DOK5: variants seen among roughly 807,000 people sequenced by gnomAD.
The protein encoded by DOK5 is docking protein 5.
Under a neutral mutation model 43.3 loss-of-function variants are expected in DOK5, and 27 were observed. The observed-to-expected ratio is 0.62, with a 90% confidence interval of 0.46 to 0.86. The LOEUF is 0.86. Ranked by LOEUF, DOK5 falls within the 40% of genes least tolerant of loss-of-function variation. DOK5 has a pLI of 0.00. For synonymous variants in DOK5, 146 were observed against 140.1 expected (o/e 1.04, Z -0.30); for missense variants, 373 against 392.9 (o/e 0.95, Z 0.43).
At chr20:54,595,420 T>C (rs1056371076) in intron 5 of DOK5, among the ~76,000 whole-genome samples, 1 of 152,198 alleles carries the variant, frequency 6.6e-6, no homozygotes, top group East Asian at 1.9e-4. Flanking sequence ...GTGGGAGATA[T>C]TGAACCAGTT....
intron 5 of DOK5, among the ~76,000 whole-genome samples, chr20:54,608,246 T>A (rs890384017): frequency 1.3e-5 from 2 of 152,104 alleles, no homozygotes; most frequent in East Asian, 3.9e-4. Context: ...GGAACCAAGG[T>A]TGGCATTTAA....
intron 6 of DOK5, among the ~76,000 whole-genome samples, chr20:54,624,694 C>T (rs543602352): frequency 3.9e-5 from 6 of 152,224 alleles, no homozygotes; most frequent in Admixed American, 1.3e-4. Flanking sequence ...AAAAAGTTAC[C>T]GGAGGCAAAG....
At chr20:54,626,121 A>C (rs73913638) in intron 6 of DOK5, among the ~76,000 whole-genome samples, 1,624 of 152,292 alleles carry the variant, frequency 0.011, 29 homozygotes, top group African/African-American at 0.037. Context: ...AAAGTGTGAA[A>C]GTTTTTATTC....
At chr20:54,542,105 C>CAG (rs71659682) in intron 1 of DOK5, among the ~76,000 whole-genome samples, 8,675 of 150,252 alleles carry the variant, frequency 0.058, 849 homozygotes, top group African/African-American at 0.2. Context: ...AAGATACACA[C>CAG]ACACACACAC....
chr20:54,512,446 A>AT (rs1211358890), intron 1 of DOK5, among the ~76,000 whole-genome samples: 1 of 151,936 alleles, frequency 6.6e-6, no homozygotes, highest in Non-Finnish European at 1.5e-5. Flanking sequence ...ATGCATTGTG[A>AT]TTTTTTTCTC....
intron 1 of DOK5, among the ~76,000 whole-genome samples, chr20:54,494,518 G>A (rs573958163): frequency 6.6e-6 from 1 of 152,216 alleles, no homozygotes; most frequent in African/African-American, 2.4e-5. Flanking sequence ...CTCAGTGACA[G>A]CTTGCAGCTG....
chr20:54,503,907 C>T (rs1982706208), intron 1 of DOK5, among the ~76,000 whole-genome samples: 1 of 152,150 alleles, frequency 6.6e-6, no homozygotes, highest in South Asian at 2.1e-4. Flanking sequence ...CCCAATCCAC[C>T]AACTTCAAAG....
chr20:54,563,665 T>TG (rs1491551866), intron 2 of DOK5, among the ~76,000 whole-genome samples: 66 of 91,558 alleles, frequency 7.2e-4, no homozygotes, highest in Admixed American at 3.9e-3. Context: ...ATTTGTCAGG[T>TG]TTTTTTTTTT....
At chr20:54,497,694 A>G (rs1015172173) in intron 1 of DOK5, among the ~76,000 whole-genome samples, 1 of 152,226 alleles carries the variant, frequency 6.6e-6, no homozygotes, top group African/African-American at 2.4e-5. Context: ...GCATGCTTGT[A>G]GGAAAATGAA....
chr20:54,562,328 A>G (rs1333142063), intron 2 of DOK5, among the ~76,000 whole-genome samples: 1 of 152,200 alleles, frequency 6.6e-6, no homozygotes, highest in Non-Finnish European at 1.5e-5. Flanking sequence ...TCACATGCCA[A>G]ATTCTCTGTC....
intron 4 of DOK5, 82 bp downstream of exon 4, chr20:54,588,888 T>C: frequency 6.7e-7 from 1 of 1,491,684 alleles, no homozygotes; most frequent in Non-Finnish European, 9.1e-7. Flanking sequence ...CTTCATTATG[T>C]AAAGTTTTTG....
At chr20:54,595,985 TG>T (rs1173111395) in intron 5 of DOK5, among the ~76,000 whole-genome samples, 1 of 152,240 alleles carries the variant, frequency 6.6e-6, no homozygotes, top group Admixed American at 6.5e-5. Flanking sequence ...GGAAGGATGC[TG>T]GGCTTCTCCT....
At chr20:54,518,677 CTA>C (rs1290001731) in intron 1 of DOK5, among the ~76,000 whole-genome samples, 1 of 152,110 alleles carries the variant, frequency 6.6e-6, no homozygotes, top group Non-Finnish European at 1.5e-5. Context: ...ATTTCTAGTT[CTA>C]GATCCCTGAG....
At chr20:54,618,086 G>T (rs1202492700) in intron 6 of DOK5, among the ~76,000 whole-genome samples, 1 of 152,150 alleles carries the variant, frequency 6.6e-6, no homozygotes, top group Non-Finnish European at 1.5e-5. Flanking sequence ...GCTCCTACAG[G>T]GCTTACAATG....
At chr20:54,619,729 C>G (rs899797660) in intron 6 of DOK5, among the ~76,000 whole-genome samples, 3 of 152,184 alleles carry the variant, frequency 2.0e-5, no homozygotes, top group Non-Finnish European at 1.5e-5. Flanking sequence ...TTTGCAAATA[C>G]AATTTGCTAA....
intron 6 of DOK5, among the ~76,000 whole-genome samples, chr20:54,615,232 T>C (rs547504660): frequency 6.6e-6 from 1 of 152,178 alleles, no homozygotes; most frequent in South Asian, 2.1e-4. Flanking sequence ...CCAAAACTCA[T>C]AAAGAAGGGG....
Position 54,604,033 on chromosome 20 carries a change from G to T in DOK5, c.600-6355G>T, listed in dbSNP as rs560884342. On this transcript the variant is annotated intron_variant, in intron 5 of 7. Transcript: ENST00000262593. ...GCGATCTCGGCTCACTGCAAGCTCC[G>T]CCTCCCGGGTTCACGCCGTTCTCCT... Among the ~76,000 whole-genome samples the T allele has an allele frequency of 8.0e-4, 108 of 135,210 alleles. 1 individual carries two copies. The highest frequency in any genetic ancestry group is 3.0e-3 in the African/African-American group (105 of 35,052). 88.7% of individuals were successfully genotyped at this position (135,210 alleles called of 152,430 possible). A position where few individuals can be genotyped will look rare whatever the true frequency, so the allele number is the denominator to read the frequency against.
chr20:54,563,998 T>C (rs184902251), intron 2 of DOK5, among the ~76,000 whole-genome samples: 5 of 152,286 alleles, frequency 3.3e-5, no homozygotes, highest in Admixed American at 1.3e-4. Context: ...TATTTTAATA[T>C]GTGTAAATTA....
At chr20:54,487,884 G>A (rs1474096593) in intron 1 of DOK5, among the ~76,000 whole-genome samples, 1 of 152,126 alleles carries the variant, frequency 6.6e-6, no homozygotes, top group Non-Finnish European at 1.5e-5. Context: ...AGAGAAACTA[G>A]CAAGTCTCGT....
Sources: allele counts gnomAD v4.1 joint callset (sites outside exome capture counted in the v4.1 genomes callset), GRCh38; gene constraint gnomAD v4.1.1; transcripts MANE v1.5; gene names NCBI Gene and HGNC (gene_info 2026-07-23, HGNC 2026-07-21).